The following EXT1 variants were observed in gnomAD, a reference collection of about 807,000 sequenced individuals.
EXT1 encodes the protein exostosin glycosyltransferase 1.
EXT1 carries 20 observed loss-of-function variants against 82.5 expected under a neutral mutation model. The ratio of observed to expected loss-of-function variants is 0.24; its 90% CI spans 0.17 to 0.35. The LOEUF is 0.35. Among genes scored for constraint, EXT1 ranks in the 10% least tolerant of loss-of-function variants. The probability of loss-of-function intolerance (pLI) is 1.00; values close to 1 mark genes in which losing one functional copy is unlikely to be tolerated. For synonymous variants in EXT1, 348 were observed against 350.8 expected, an observed-to-expected ratio of 0.99 and a Z score of 0.09; for missense variants, 757 against 936.5, an observed-to-expected ratio of 0.81 and a Z score of 2.50.
intron 7 of EXT1, among the ~76,000 whole-genome samples, chr8:117,814,437 T>C (rs1378586485): frequency 2.0e-5 from 3 of 152,140 alleles, no homozygotes; most frequent in Non-Finnish European, 4.4e-5. Context: ...CCAGGATATG[T>C]TGCAAGTCCT....
At chr8:117,864,468 G>C (rs895394366) in intron 1 of EXT1, among the ~76,000 whole-genome samples, 1 of 152,300 alleles carries the variant, frequency 6.6e-6, no homozygotes, top group Non-Finnish European at 1.5e-5. Flanking sequence ...AAAAAATCGC[G>C]ATCAGGAGCA....
intron 1 of EXT1, among the ~76,000 whole-genome samples, chr8:117,890,527 T>C (rs925240531): frequency 6.6e-6 from 1 of 152,170 alleles, no homozygotes; most frequent in African/African-American, 2.4e-5. Context: ...CATATTAAAC[T>C]CATAGTAGGC....
At chr8:118,032,156 G>T (rs73325947) in intron 1 of EXT1, among the ~76,000 whole-genome samples, 1 of 143,640 alleles carries the variant, frequency 7.0e-6, no homozygotes, top group Non-Finnish European at 1.5e-5. Flanking sequence ...CTTTTGCACC[G>T]ACCTAATAAA....
chr8:118,109,942 C>T, intron 1 of EXT1, 143 bp downstream of exon 1: 2 of 1,334,448 alleles, frequency 1.5e-6, no homozygotes, highest in South Asian at 1.3e-5. Context: ...CACACCCGAA[C>T]CGGATTTGCT....
At chr8:117,815,348 C>A (rs1200093297) in intron 7 of EXT1, among the ~76,000 whole-genome samples, 1 of 152,168 alleles carries the variant, frequency 6.6e-6, no homozygotes, top group Non-Finnish European at 1.5e-5. Flanking sequence ...AGATGTAGGG[C>A]TTCTTCCTCA....
chr8:118,080,155 A>C (rs1441142545), intron 1 of EXT1, among the ~76,000 whole-genome samples: 1 of 152,202 alleles, frequency 6.6e-6, no homozygotes, highest in Admixed American at 6.5e-5. Context: ...TCATCAAAGC[A>C]ATAGAGAAAA....
At chr8:117,915,554 A>T (rs1299318521) in intron 1 of EXT1, among the ~76,000 whole-genome samples, 1 of 152,244 alleles carries the variant, frequency 6.6e-6, no homozygotes, top group African/African-American at 2.4e-5. Context: ...AACAAACAAT[A>T]TATCAAATCA....
intron 1 of EXT1, among the ~76,000 whole-genome samples, chr8:118,087,449 C>T (rs1457483241): frequency 3.3e-5 from 5 of 152,268 alleles, no homozygotes; most frequent in East Asian, 1.9e-4. Context: ...CCTATAAAAA[C>T]GTACGTAGAA....
At chr8:117,927,287 T>C (rs1430349654) in intron 1 of EXT1, among the ~76,000 whole-genome samples, 1 of 150,788 alleles carries the variant, frequency 6.6e-6, no homozygotes, top group Non-Finnish European at 1.5e-5. Flanking sequence ...AGAAACTCAC[T>C]GTCTTAGTCT....
intron 1 of EXT1, among the ~76,000 whole-genome samples, chr8:118,025,847 T>C (rs1816192718): frequency 6.6e-6 from 1 of 152,094 alleles, no homozygotes. Context: ...AAATGTGCCA[T>C]AAATGACAAG....
chr8:118,074,132 T>C (rs1817158251), intron 1 of EXT1, among the ~76,000 whole-genome samples: 1 of 148,102 alleles, frequency 6.8e-6, no homozygotes, highest in South Asian at 2.2e-4. Flanking sequence ...ATGGAGAAAT[T>C]AGATAAATAA....
At chr8:118,045,103 T>C (rs1461347115) in intron 1 of EXT1, among the ~76,000 whole-genome samples, 1 of 152,236 alleles carries the variant, frequency 6.6e-6, no homozygotes, top group Non-Finnish European at 1.5e-5. Flanking sequence ...AGCTTTCTAA[T>C]GACCTTAAAA....
intron 1 of EXT1, among the ~76,000 whole-genome samples, chr8:118,024,642 G>A (rs1418573075): frequency 6.6e-6 from 1 of 152,114 alleles, no homozygotes; most frequent in Non-Finnish European, 1.5e-5. Context: ...TGTGCTAAAT[G>A]CCCTAAATGA....
At chr8:118,076,591 C>T (rs1161643682) in intron 1 of EXT1, among the ~76,000 whole-genome samples, 2 of 152,220 alleles carry the variant, frequency 1.3e-5, no homozygotes, top group African/African-American at 4.8e-5. Flanking sequence ...AGAAGCAATG[C>T]AAGTATCTTA....
intron 3 of EXT1, among the ~76,000 whole-genome samples, chr8:117,830,635 C>T (rs1299833713): frequency 6.6e-6 from 1 of 152,204 alleles, no homozygotes; most frequent in African/African-American, 2.4e-5. Flanking sequence ...TCTATAGTCA[C>T]AATTGCTGTT....
intron 1 of EXT1, among the ~76,000 whole-genome samples, chr8:117,907,296 C>G (rs557912363): frequency 3.3e-5 from 5 of 152,332 alleles, no homozygotes; most frequent in Admixed American, 2.0e-4. Context: ...TTCTCTCCAC[C>G]CTCACCCTTA....
rs895713524 is a variant in EXT1 at position 117,878,557 on chromosome 8, T to A, written c.963-41356A>T. Among the ~76,000 whole-genome samples, 2 of 152,204 alleles carry A rather than the reference T, an allele frequency of 1.3e-5. 1 individual carries two copies. The highest frequency in any genetic ancestry group is 1.3e-4 in the Admixed American group (2 of 15,286). The stretch of plus-strand genomic sequence containing the variant: ...CACAAACCATGTTGTAGAAATTAGA[T>A]GACCTGGCATAAGGTTGGCCAAGTT... On this transcript the variant is annotated intron_variant, in intron 1 of 10. Transcript: ENST00000378204.
At chr8:117,900,606 T>C (rs1813425110) in intron 1 of EXT1, among the ~76,000 whole-genome samples, 1 of 152,184 alleles carries the variant, frequency 6.6e-6, no homozygotes, top group South Asian at 2.1e-4. Flanking sequence ...CGGGCTAAGC[T>C]GCTATATTTG....
intron 1 of EXT1, among the ~76,000 whole-genome samples, chr8:117,983,222 A>T (rs1240166685): frequency 6.6e-6 from 1 of 152,188 alleles, no homozygotes; most frequent in Non-Finnish European, 1.5e-5. Flanking sequence ...TGTGACTCAC[A>T]CCTGTAATTC....
Sources: allele counts gnomAD v4.1 joint callset (sites outside exome capture counted in the v4.1 genomes callset), GRCh38; gene constraint gnomAD v4.1.1; transcripts MANE v1.5; gene names NCBI Gene and HGNC (gene_info 2026-07-23, HGNC 2026-07-21).